Variants in ANKRD18A observed in about 807,000 individuals in gnomAD.
ANKRD18A encodes the protein ankyrin repeat domain-containing protein 18A.
A neutral mutation model predicts 110.6 loss-of-function variants in ANKRD18A; 72 were observed. That is an observed-to-expected ratio of 0.65 (90% CI 0.54 to 0.79). ANKRD18A has a LOEUF of 0.79. Among genes scored for constraint, ANKRD18A ranks in the 30% least tolerant of loss-of-function variants. The pLI, the probability that ANKRD18A is intolerant of heterozygous loss-of-function variation, is 0.00. For synonymous variants in ANKRD18A, 305 were observed against 410.3 expected (o/e 0.74, Z 3.10); for missense variants, 934 against 1,163.3 (o/e 0.80, Z 2.87).
At chr9:38,614,329 T>A (rs1308176107) in intron 3 of ANKRD18A, among the ~76,000 whole-genome samples, 1 of 146,626 alleles carries the variant, frequency 6.8e-6, no homozygotes, top group African/African-American at 2.5e-5. Context: ...ATGGTCTCCA[T>A]CTCCTGACCT....
rs1418564925 is a variant in ANKRD18A at position 38,620,062 on chromosome 9, G to C, written c.206+18C>G. The C allele has an allele frequency of 3.9e-6, 6 of 1,548,992 alleles. No individual in the cohort carries two copies. The Admixed American group carries it at 9.8e-5, about 25-fold the overall frequency. On this transcript the variant is annotated intron_variant, in intron 1 of 15. Coordinates refer to ENST00000399703, the MANE Select transcript of ANKRD18A (RefSeq NM_147195.4). ...GGCCTGCGGCCCCCTCCCACCGCGG[G>C]CTGAGTCCCCGAGCTACCTGTCTTT...
intron 10 of ANKRD18A, among the ~76,000 whole-genome samples, chr9:38,591,022 T>C (rs1353789483): frequency 1.3e-5 from 2 of 152,180 alleles, no homozygotes; most frequent in African/African-American, 2.4e-5. Context: ...GTGCAGTGGC[T>C]TGATCACCGC....
chr9:38,568,465 A>T (rs1823531710), downstream of ANKRD18A: 1 of 152,072 alleles, frequency 6.6e-6, no homozygotes, highest in Non-Finnish European at 1.5e-5. Context: ...TAAATCAGTT[A>T]TTCTGCCCTG....
intron 15 of ANKRD18A, among the ~76,000 whole-genome samples, chr9:38,574,281 A>C (rs971476849): frequency 2.7e-4 from 41 of 152,324 alleles, no homozygotes; most frequent in Non-Finnish European, 5.6e-4. Flanking sequence ...GGAATTTTCC[A>C]ATCTACCTTG....
chr9:38,592,634 G>C (rs1168156542), intron 10 of ANKRD18A, among the ~76,000 whole-genome samples: 3 of 152,022 alleles, frequency 2.0e-5, no homozygotes, highest in Non-Finnish European at 4.4e-5. Flanking sequence ...GTAAATGAAT[G>C]TTTGCAACAG....
chr9:38,582,236 T>C (rs2799166), intron 12 of ANKRD18A, among the ~76,000 whole-genome samples: 56,489 of 151,296 alleles, frequency 0.37, 11,523 homozygotes, highest in African/African-American at 0.56. Context: ...TTACTGAAAA[T>C]GAAACTATAG....
chr9:38,575,789 G>A, intron 14 of ANKRD18A, 91 bp from the exon 15 acceptor site: 2 of 1,307,610 alleles, frequency 1.5e-6, no homozygotes, highest in Non-Finnish European at 2.1e-6. Flanking sequence ...TGCCCTGAGA[G>A]TAAACCAAAA....
At chr9:38,599,632 T>A (rs1285623759) in intron 8 of ANKRD18A, among the ~76,000 whole-genome samples, 1 of 151,578 alleles carries the variant, frequency 6.6e-6, no homozygotes, top group African/African-American at 2.4e-5. Flanking sequence ...ACCCAGCTAA[T>A]TTTGTATTTT....
At chr9:38,589,376 T>C (rs1215082442) in intron 10 of ANKRD18A, among the ~76,000 whole-genome samples, 1 of 152,278 alleles carries the variant, frequency 6.6e-6, no homozygotes, top group Non-Finnish European at 1.5e-5. Context: ...CAAGTCTCTT[T>C]AGAGCAAAAC....
chr9:38,574,981 C>T (rs1587481615), intron 15 of ANKRD18A, among the ~76,000 whole-genome samples: 1 of 151,726 alleles, frequency 6.6e-6, no homozygotes, highest in Admixed American at 6.6e-5. Context: ...GTAGTCCCAG[C>T]TACTTGGGAG....
At chr9:38,613,175 T>C (rs186609047) in intron 3 of ANKRD18A, among the ~76,000 whole-genome samples, 2,143 of 151,902 alleles carry the variant, frequency 0.014, 23 homozygotes, top group Non-Finnish European at 0.023. Flanking sequence ...GTGGGCACAG[T>C]AGCAAACTGG....
chr9:38,605,293 T>C, intron 6 of ANKRD18A, among the ~76,000 whole-genome samples: 1 of 152,218 alleles, frequency 6.6e-6, no homozygotes, highest in Non-Finnish European at 1.5e-5. Context: ...AGTATTTGAA[T>C]GAATTACAGT....
At chr9:38,573,203 C>A in intron 15 of ANKRD18A, 1 of 820,896 alleles carries the variant, frequency 1.2e-6, no homozygotes, top group South Asian at 5.4e-5. Flanking sequence ...TAATATATTA[C>A]AAAATGTGGC....
chr9:38,617,405 A>G (rs1009524691), intron 1 of ANKRD18A, among the ~76,000 whole-genome samples: 1 of 152,138 alleles, frequency 6.6e-6, no homozygotes, highest in Non-Finnish European at 1.5e-5. Context: ...ACGCCACTGC[A>G]CTCCAGCATA....
At chr9:38,602,212 G>T (rs575557727) in intron 7 of ANKRD18A, among the ~76,000 whole-genome samples, 1 of 150,458 alleles carries the variant, frequency 6.6e-6, no homozygotes, top group South Asian at 2.2e-4. Flanking sequence ...TGTGTAGACA[G>T]TCTTTATTTT....
intron 5 of ANKRD18A, among the ~76,000 whole-genome samples, chr9:38,608,033 A>G (rs1189327171): frequency 6.6e-6 from 1 of 152,224 alleles, no homozygotes; most frequent in Non-Finnish European, 1.5e-5. Context: ...CGAATGTCAC[A>G]GTTTTCAGAG....
In ANKRD18A at chr9:38,586,071, C is replaced by G. The variant is rs2996342; in HGVS notation, c.2247+112G>C. ...TACGGGGCTTAATACCTAGGTGATG[C>G]ATTGATACGTGCAGCAAACCATCAT... On this transcript the variant is annotated intron_variant, in intron 12 of 15. Transcript: ENST00000399703. The G allele has an allele frequency of 7.6e-3, 8,760 of 1,155,780 alleles. 222 individuals carry two copies. In the African/African-American group the frequency reaches 0.079, roughly 10 times the overall value. 71.6% of individuals were successfully genotyped at this position (1,155,780 alleles called of 1,614,324 possible).
At chr9:38,576,056 CTA>C (rs1271224406) in intron 14 of ANKRD18A, among the ~76,000 whole-genome samples, 14 of 152,114 alleles carry the variant, frequency 9.2e-5, no homozygotes, top group Admixed American at 7.9e-4. Context: ...TAAAGGGTAA[CTA>C]TGTGGGAAAA....
chr9:38,576,460 C>A (rs1302449841), intron 14 of ANKRD18A, among the ~76,000 whole-genome samples: 2 of 152,164 alleles, frequency 1.3e-5, no homozygotes, highest in Non-Finnish European at 2.9e-5. Flanking sequence ...ATTTTTGAAC[C>A]CTTGTGGATT....
Sources: gnomAD v4.1 joint callset for allele counts (sites outside exome capture counted in the v4.1 genomes callset) on GRCh38, gnomAD v4.1.1 for gene constraint, MANE v1.5 for transcripts, NCBI Gene and HGNC (gene_info 2026-07-23, HGNC 2026-07-21) for gene names.